Variants in RPS6KC1 observed in about 807,000 individuals in gnomAD.
RPS6KC1 encodes ribosomal protein S6 kinase C1.
RPS6KC1 carries 54 observed loss-of-function variants against 103.8 expected under a neutral mutation model. The ratio of observed to expected loss-of-function variants is 0.52; its 90% confidence interval spans 0.42 to 0.65. RPS6KC1 has a LOEUF of 0.65. Ranked by LOEUF, RPS6KC1 falls within the 30% of genes least tolerant of loss-of-function variation. The probability of loss-of-function intolerance (pLI) is 0.00; values close to 1 mark genes in which losing one functional copy is unlikely to be tolerated. For synonymous variants in RPS6KC1, 439 were observed against 438.7 expected (o/e 1.00, Z -0.01); for missense variants, 1,151 against 1,253.8 (o/e 0.92, Z 1.24).
intron 10 of RPS6KC1, among the ~76,000 whole-genome samples, chr1:213,236,841 G>A (rs1414909763): frequency 1.3e-5 from 2 of 151,842 alleles, no homozygotes; most frequent in African/African-American, 4.8e-5. Context: ...GTTACTTAAG[G>A]CCCCAAGGAG....
chr1:213,221,033 G>T (rs1317512591), intron 8 of RPS6KC1, among the ~76,000 whole-genome samples: 2 of 152,040 alleles, frequency 1.3e-5, no homozygotes, highest in Non-Finnish European at 2.9e-5. Context: ...AGAAAAACAG[G>T]CCTTTCAAAA....
chr1:213,380,645 A>G, the RPS6KC1 span, among the ~76,000 whole-genome samples: 1 of 152,254 alleles, frequency 6.6e-6, no homozygotes, highest in African/African-American at 2.4e-5. Context: ...TTATCAAATT[A>G]TTACATTGTA....
At chr1:213,736,127 C>A in the RPS6KC1 span, among the ~76,000 whole-genome samples, 41 of 152,192 alleles carry the variant, frequency 2.7e-4, no homozygotes, top group Non-Finnish European at 5.4e-4. Flanking sequence ...TTTGAAAAGA[C>A]CTTGTAAAGT....
At chr1:213,733,936 C>T in the RPS6KC1 span, among the ~76,000 whole-genome samples, 1 of 152,166 alleles carries the variant, frequency 6.6e-6, no homozygotes, top group Non-Finnish European at 1.5e-5. Context: ...AGTCAAGGCT[C>T]ACAGCAACCC....
chr1:213,683,153 C>T, the RPS6KC1 span, among the ~76,000 whole-genome samples: 1 of 152,112 alleles, frequency 6.6e-6, no homozygotes, highest in Admixed American at 6.5e-5. Flanking sequence ...GTAAAGTGCT[C>T]CAAGCAAGTA....
chr1:213,393,834 A>G, the RPS6KC1 span, among the ~76,000 whole-genome samples: 2 of 152,162 alleles, frequency 1.3e-5, no homozygotes, highest in Admixed American at 1.3e-4. Flanking sequence ...TGGGAGTGGG[A>G]TGGAAGGTCA....
intron 10 of RPS6KC1, among the ~76,000 whole-genome samples, chr1:213,237,535 T>G (rs905645637): frequency 1.3e-5 from 2 of 152,036 alleles, no homozygotes; most frequent in Non-Finnish European, 2.9e-5. Context: ...TTTTGTTGTA[T>G]TTTTTGAGAA....
chr1:213,064,532 T>C (rs1016337168), intron 1 of RPS6KC1, among the ~76,000 whole-genome samples: 1 of 151,702 alleles, frequency 6.6e-6, no homozygotes, highest in Admixed American at 6.6e-5. Context: ...AAAGCCTAGC[T>C]AATTTTTGTA....
the RPS6KC1 span, among the ~76,000 whole-genome samples, chr1:213,627,336 G>A: frequency 2.6e-5 from 4 of 152,146 alleles, no homozygotes; most frequent in Admixed American, 6.6e-5. Flanking sequence ...AGAAAATGGG[G>A]TTTTCTAGAT....
chr1:213,437,015 A>C, the RPS6KC1 span, among the ~76,000 whole-genome samples: 2 of 152,088 alleles, frequency 1.3e-5, no homozygotes, highest in African/African-American at 4.8e-5. Context: ...TATTACATTG[A>C]CTAGGACCTC....
intron 8 of RPS6KC1, among the ~76,000 whole-genome samples, chr1:213,197,333 A>G (rs1234582701): frequency 6.6e-6 from 1 of 152,024 alleles, no homozygotes; most frequent in African/African-American, 2.4e-5. Flanking sequence ...TGATTATGGC[A>G]TTTTGGTGGG....
the RPS6KC1 span, among the ~76,000 whole-genome samples, chr1:213,720,184 T>A: frequency 6.6e-6 from 1 of 152,238 alleles, no homozygotes; most frequent in Non-Finnish European, 1.5e-5. Context: ...TTCCACTATA[T>A]TGAACAGTGT....
chr1:213,258,012 C>G (rs550118545), intron 12 of RPS6KC1, among the ~76,000 whole-genome samples: 1 of 151,584 alleles, frequency 6.6e-6, no homozygotes, highest in Non-Finnish European at 1.5e-5. Context: ...GATGGAGTCT[C>G]GCTCTGTTGC....
intron 6 of RPS6KC1, among the ~76,000 whole-genome samples, chr1:213,134,026 C>T (rs1406820631): frequency 1.3e-5 from 2 of 152,022 alleles, no homozygotes; most frequent in East Asian, 3.9e-4. Context: ...GTTGATCTTT[C>T]AACAAGCATT....
the RPS6KC1 span, among the ~76,000 whole-genome samples, chr1:213,485,558 A>G: frequency 1.0e-3 from 152 of 152,348 alleles, no homozygotes; most frequent in African/African-American, 3.5e-3. Flanking sequence ...CATCAGCATT[A>G]TCTAGTGTAT....
At chr1:213,411,787 G>A in the RPS6KC1 span, among the ~76,000 whole-genome samples, 4 of 152,166 alleles carry the variant, frequency 2.6e-5, no homozygotes, top group African/African-American at 9.7e-5. Flanking sequence ...TGGGCTTAGA[G>A]GTGGAGTAGG....
the RPS6KC1 span, among the ~76,000 whole-genome samples, chr1:213,738,663 T>C: frequency 6.6e-6 from 1 of 151,836 alleles, no homozygotes; most frequent in South Asian, 2.1e-4. Flanking sequence ...ACAACAGAAA[T>C]AACCATAAGA....
At chr1:213,602,035 TC>T in the RPS6KC1 span, among the ~76,000 whole-genome samples, 1 of 23,720 alleles carries the variant, frequency 4.2e-5, no homozygotes, top group African/African-American at 1.6e-4. Flanking sequence ...TTTCTCTTTC[TC>T]TTTCTTTCTT....
chr1:213,403,624 C>T, the RPS6KC1 span, among the ~76,000 whole-genome samples: 1 of 152,144 alleles, frequency 6.6e-6, no homozygotes, highest in African/African-American at 2.4e-5. Context: ...CATGAACACT[C>T]ATTGAGGGTT....
Sources: allele counts gnomAD v4.1 joint callset (sites outside exome capture counted in the v4.1 genomes callset), GRCh38; gene constraint gnomAD v4.1.1; transcripts MANE v1.5; gene names NCBI Gene and HGNC (gene_info 2026-07-23, HGNC 2026-07-21).